The following MFAP5 variants were observed in gnomAD, a reference collection of about 807,000 sequenced individuals.
MFAP5 encodes the protein microfibrillar-associated protein 5.
Under a neutral mutation model 30.1 loss-of-function variants are expected in MFAP5, and 19 were observed. The observed-to-expected ratio is 0.63, with a 90% CI of 0.44 to 0.93. The LOEUF (loss-of-function observed/expected upper bound fraction) is 0.93, where lower values mean the gene tolerates loss of function less well. Ranked by LOEUF, MFAP5 falls within the 40% of genes least tolerant of loss-of-function variation. MFAP5 has a pLI of 0.00. For synonymous variants in MFAP5, 92 were observed against 72.9 expected, an observed-to-expected ratio of 1.26 and a Z score of -1.33; for missense variants, 210 against 221.3, an observed-to-expected ratio of 0.95 and a Z score of 0.32.
rs777330893 is a variant in MFAP5, at chr12:8,654,490, G to A, written c.173-9C>T. On this transcript the variant is annotated splice_polypyrimidine_tract_variant and intron_variant, in intron 5 of 9. Transcript: ENST00000359478. The stretch of plus-strand genomic sequence containing the variant: ...AGCCAAAACAGCCAAAACTGAAAAG[G>A]CACAAAACAGCAGGTATGAGGAGGG... 4 of 1,599,754 alleles carry A rather than the reference G, an allele frequency of 2.5e-6. No individual in the cohort carries two copies. The highest frequency in any genetic ancestry group is 3.4e-6 in the Non-Finnish European group (4 of 1,172,914).
chr12:8,649,516 G>A lies in MFAP5; in HGVS notation c.394C>T (p.His132Tyr). 1 of 1,613,930 alleles carries A rather than the reference G, an allele frequency of 6.2e-7. No homozygotes were observed. The highest frequency in any genetic ancestry group is 8.5e-7 in the Non-Finnish European group (1 of 1,179,932). Residue 132 changes from histidine to tyrosine, a missense_variant, in exon 9 of 10, where the codon CAC (histidine) becomes TAC (tyrosine). Physicochemically the swap from His to Tyr is moderately conservative, Grantham distance 83. Coordinates refer to ENST00000359478, the MANE Select transcript of MFAP5 (RefSeq NM_003480.4). ...EICSRLVCKEHEAMKDELCRQ... is the reference protein window; with the variant it reads ...EICSRLVCKEYEAMKDELCRQ... ...ATCATCTTACCTTTCATAGCTTCGT[G>A]TTCCTTACAGACAAGACGAGAGCAG... is the stretch of plus-strand genomic sequence containing the variant.
At chr12:8,657,566 C>CTTTT (rs35916052) in intron 3 of MFAP5, among the ~76,000 whole-genome samples, 4 of 128,126 alleles carry the variant, frequency 3.1e-5, no homozygotes, top group African/African-American at 6.1e-5. Context: ...TTTGCTTTGA[C>CTTTT]TTTTTTTTTT....
chr12:8,661,852 C>T (rs1457538912), intron 2 of MFAP5, among the ~76,000 whole-genome samples, 195 bp downstream of exon 2: 1 of 152,116 alleles, frequency 6.6e-6, no homozygotes, highest in Non-Finnish European at 1.5e-5. Flanking sequence ...AGGCCTTTCC[C>T]CTAGTCTGAA....
chr12:8,659,341 A>G (rs12815106), intron 3 of MFAP5, among the ~76,000 whole-genome samples: 12,073 of 151,524 alleles, frequency 0.08, 540 homozygotes, highest in Non-Finnish European at 0.084. Flanking sequence ...GTCTCACTAT[A>G]TTGCCCAGGC....
chr12:8,654,932 C>A (rs370037248), intron 5 of MFAP5, among the ~76,000 whole-genome samples: 1 of 136,792 alleles, frequency 7.3e-6, no homozygotes, highest in African/African-American at 2.7e-5. Flanking sequence ...CAGAGCTAGA[C>A]TCTGTCTCAA....
intron 6 of MFAP5, among the ~76,000 whole-genome samples, chr12:8,652,849 T>C (rs1163211532): frequency 2.0e-5 from 3 of 152,224 alleles, no homozygotes; most frequent in African/African-American, 7.2e-5. Flanking sequence ...TTCTAGTTGT[T>C]ATACAGTGAA....
At chr12:8,648,249 C>G (rs1941738848) in intron 9 of MFAP5, 46 bp from the exon 10 acceptor site, 1 of 1,480,498 alleles carries the variant, frequency 6.8e-7, no homozygotes, top group African/African-American at 1.4e-5. Flanking sequence ...CAGAAGATAA[C>G]AAAGGCTCTT....
chr12:8,652,304 G>A (rs1434202144), intron 6 of MFAP5, among the ~76,000 whole-genome samples: 3 of 152,078 alleles, frequency 2.0e-5, no homozygotes, highest in Non-Finnish European at 2.9e-5. Context: ...ACTTAGTTGG[G>A]TGTAGTGATG....
Position 8,660,906 on chromosome 12 carries a change from A to G in MFAP5, c.59-8T>C, listed in dbSNP as rs1423707320. 7 of 1,609,392 alleles carry G rather than the reference A, an allele frequency of 4.3e-6. No homozygotes were observed. In the Admixed American group the frequency reaches 1.2e-4, roughly 27 times the overall value. On this transcript the variant is annotated splice_region_variant and splice_polypyrimidine_tract_variant and intron_variant, in intron 2 of 9. Transcript: ENST00000359478. ...CCCCCAGGGGTATCCAGTCTATAGC[A>G]AAGGAAGAGAAAAGAGATGTGAGTG...
chr12:8,651,662 C>G lies in MFAP5; in HGVS notation c.247G>C (p.Glu83Gln). The change falls in exon 7 of 10, where the codon GAG (glutamate) becomes CAG (glutamine). Residue 83 changes from glutamate to glutamine, a missense_variant and splice_region_variant. Physicochemically the swap from Glu to Gln is conservative, Grantham distance 29. Coordinates refer to ENST00000359478, the MANE Select transcript of MFAP5 (RefSeq NM_003480.4). The stretch of plus-strand genomic sequence containing the variant: ...GAAGGCATGCAAGCAACAATCATAC[C>G]TGCAGTGGTATTTTTTTCACTGAGG... ...ASLSEKNTTA[E>Q]CWDEKFTCTR... 2 of 1,613,908 alleles carry G rather than the reference C, an allele frequency of 1.2e-6. No homozygotes were observed. The highest frequency in any genetic ancestry group is 8.5e-7 in the Non-Finnish European group (1 of 1,179,854).
At chr12:8,654,591 G>T in intron 5 of MFAP5, 110 bp from the exon 6 acceptor site, 1 of 1,028,848 alleles carries the variant, frequency 9.7e-7, no homozygotes, top group Non-Finnish European at 1.5e-6. Context: ...ACTATGTCTG[G>T]CTTTGTGTTT....
intron 4 of MFAP5, 63 bp from the exon 5 acceptor site, chr12:8,655,510 G>C: frequency 6.6e-7 from 1 of 1,519,232 alleles, no homozygotes; most frequent in Non-Finnish European, 9.0e-7. Context: ...AGGAAAGCAG[G>C]ATAAGGGGAC....
rs1941787514 is a variant in MFAP5 at position 8,649,904 on chromosome 12, A to G, written c.336-330T>C. Among the ~76,000 whole-genome samples the G allele has an allele frequency of 1.3e-5, 2 of 152,146 alleles. 1 individual carries two copies. The highest frequency in any genetic ancestry group is 4.2e-4 in the South Asian group (2 of 4,802). ...CACCCAAGCAGTGTACACCGTACCCAATGTGTAGCCTTTATCCCTCATTCC... is the reference window on the plus strand; with the variant it reads ...CACCCAAGCAGTGTACACCGTACCCGATGTGTAGCCTTTATCCCTCATTCC... On this transcript the variant is annotated intron_variant, in intron 8 of 9. Transcript: ENST00000359478.
At chr12:8,650,704 A>G (rs1941814408) in intron 7 of MFAP5, 115 bp from the exon 8 acceptor site, 5 of 823,376 alleles carry the variant, frequency 6.1e-6, no homozygotes, top group Admixed American at 2.4e-5. Flanking sequence ...AGTAATCTCT[A>G]CAGAGAATCA....
chr12:8,658,992 CTTTTTTT>C (rs71045203), intron 3 of MFAP5, among the ~76,000 whole-genome samples: 1 of 123,746 alleles, frequency 8.1e-6, no homozygotes, highest in East Asian at 2.3e-4. Context: ...CCACACCTGG[CTTTTTTT>C]TTTTTTTTTT....
chr12:8,650,473 T>C (rs745889232), intron 8 of MFAP5, 29 bp downstream of exon 8: 1 of 1,598,744 alleles, frequency 6.3e-7, no homozygotes, highest in South Asian at 1.1e-5. Context: ...CCATGGAAGA[T>C]GCTTTTTGGG....
intron 5 of MFAP5, among the ~76,000 whole-genome samples, chr12:8,654,695 C>T (rs778387330): frequency 6.6e-6 from 1 of 152,248 alleles, no homozygotes; most frequent in African/African-American, 2.4e-5. Context: ...CCTGTAATCT[C>T]AGAATTTTGG....
At position 8,647,107 on chromosome 12, in the gene MFAP5, C is replaced by T. The variant is rs1007959430; in HGVS notation, c.*984G>A. 6.6e-6 allele frequency: 1 copy of T among 152,162 alleles called. No individual in the cohort carries two copies. Among genetic ancestry groups the T allele is most frequent in the Non-Finnish European group, 1.5e-5 (1 of 68,020 alleles). The allele number at this position is 152,162 out of a possible 1,614,324, so 9.4% of individuals were successfully genotyped here. On this transcript the variant is annotated 3_prime_UTR_variant, in exon 10 of 10. Transcript: ENST00000359478. Reference sequence around the variant, plus strand: ...TCTTTCGTATTAACTATTAGGCAAACTTTCTGTCTGCCTATTAAAATTCAA... The same window carrying T: ...TCTTTCGTATTAACTATTAGGCAAATTTTCTGTCTGCCTATTAAAATTCAA...
At chr12:8,654,160 T>A in intron 6 of MFAP5, 1 of 329,568 alleles carries the variant, frequency 3.0e-6, no homozygotes, top group Admixed American at 4.5e-5. Flanking sequence ...AGTCAAAGCA[T>A]TACTTCTTCT....
Sources: gnomAD v4.1 joint callset for allele counts (sites outside exome capture counted in the v4.1 genomes callset) on GRCh38, gnomAD v4.1.1 for gene constraint, MANE v1.5 for transcripts, NCBI Gene and HGNC (gene_info 2026-07-23, HGNC 2026-07-21) for gene names.